LINGO2: variants seen among roughly 807,000 people sequenced by gnomAD.
LINGO2 encodes leucine rich repeat and Ig domain containing 2, also known as leucine-rich repeat and immunoglobulin-like domain-containing nogo receptor-interacting protein 2.
In LINGO2, 14 loss-of-function variants were observed where a neutral mutation model predicts 30.6. The ratio of observed to expected loss-of-function variants is 0.46; its 90% CI spans 0.30 to 0.72. The LOEUF (loss-of-function observed/expected upper bound fraction) is 0.72, where lower values mean the gene tolerates loss of function less well. Among genes scored for constraint, LINGO2 ranks in the 30% least tolerant of loss-of-function variants. LINGO2 has a pLI of 0.07. For synonymous variants in LINGO2, 317 were observed against 288.5 expected (o/e 1.10, Z -1.00); for missense variants, 729 against 751.7 (o/e 0.97, Z 0.35).
rs146345987 is a variant in LINGO2, at chr9:28,141,106, T to C, written c.-86-128701A>G. Among the ~76,000 whole-genome samples, 314 of 152,292 alleles carry C rather than the reference T, an allele frequency of 2.1e-3. 5 individuals are homozygous for C. The South Asian group carries it at 0.045, about 22-fold the overall frequency. On this transcript the variant is annotated intron_variant, in intron 4 of 5. Coordinates refer to ENST00000379992, the Ensembl canonical transcript of LINGO2. ...AATTGCCTCAGTTATTCAATATAGA[T>C]GAGAAAAGAAATTCTTAATAGCTTA... is the stretch of plus-strand genomic sequence containing the variant.
intron 1 of LINGO2, among the ~76,000 whole-genome samples, chr9:28,540,596 A>G (rs888429142): frequency 2.0e-5 from 3 of 152,094 alleles, no homozygotes; most frequent in African/African-American, 7.2e-5. Flanking sequence ...TTTCTTCCAA[A>G]TAATCTAAAG....
chr9:28,086,179 T>C (rs899276356), intron 4 of LINGO2, among the ~76,000 whole-genome samples: 1 of 152,076 alleles, frequency 6.6e-6, no homozygotes, highest in Non-Finnish European at 1.5e-5. Context: ...ATATTGTCTC[T>C]TGCCTGAAAA....
chr9:28,204,605 T>G (rs947115706), intron 4 of LINGO2, among the ~76,000 whole-genome samples: 1 of 152,154 alleles, frequency 6.6e-6, no homozygotes, highest in Admixed American at 6.6e-5. Flanking sequence ...CATTGATTGA[T>G]TGCCCCTCAG....
At position 28,266,628 on chromosome 9, in the gene LINGO2, T is replaced by C. The variant is rs943001583; in HGVS notation, c.-87+28580A>G. The stretch of plus-strand genomic sequence containing the variant: ...CTTTGGTTACCTGTGGATTATCTCA[T>C]TTTTTTCCTAATATCGAATGCCATC... On this transcript the variant is annotated intron_variant, in intron 4 of 5. Coordinates refer to ENST00000379992, the Ensembl canonical transcript of LINGO2. Among the ~76,000 whole-genome samples, 2 of 151,992 alleles carry C rather than the reference T, an allele frequency of 1.3e-5. 1 individual carries two copies. The highest frequency in any genetic ancestry group is 4.1e-4 in the South Asian group (2 of 4,830).
At chr9:28,557,854 G>A (rs1043411374) in intron 1 of LINGO2, among the ~76,000 whole-genome samples, 1 of 151,752 alleles carries the variant, frequency 6.6e-6, no homozygotes, top group Non-Finnish European at 1.5e-5. Context: ...TAGGGACATG[G>A]ATGAAGCTGG....
intron 2 of LINGO2, among the ~76,000 whole-genome samples, chr9:28,432,721 A>G (rs12378532): frequency 0.3 from 45,762 of 152,046 alleles, 7,861 homozygotes; most frequent in Non-Finnish European, 0.38. Context: ...GAATAGAAAA[A>G]TGTTATAAGA....
the LINGO2 span, among the ~76,000 whole-genome samples, chr9:29,075,787 T>C: frequency 5.9e-5 from 9 of 152,048 alleles, no homozygotes; most frequent in Non-Finnish European, 1.0e-4. Flanking sequence ...AAAAAGGCAA[T>C]AGAGTGTCAA....
chr9:28,083,193 C>G (rs1360894856), intron 4 of LINGO2, among the ~76,000 whole-genome samples: 1 of 152,188 alleles, frequency 6.6e-6, no homozygotes, highest in Non-Finnish European at 1.5e-5. Context: ...TTGGTGAGCA[C>G]AAGGACATCC....
intron 1 of LINGO2, among the ~76,000 whole-genome samples, chr9:28,622,573 A>G (rs1479675184): frequency 6.6e-6 from 1 of 151,958 alleles, no homozygotes; most frequent in Non-Finnish European, 1.5e-5. Context: ...CATATGTACC[A>G]CATTTTCTTT....
the LINGO2 span, among the ~76,000 whole-genome samples, chr9:29,043,057 G>A: frequency 2.0e-5 from 3 of 151,788 alleles, no homozygotes; most frequent in East Asian, 1.9e-4. Context: ...AGAGCACTAT[G>A]TAAATCTACA....
the LINGO2 span, among the ~76,000 whole-genome samples, chr9:29,164,766 G>C: frequency 7.1e-6 from 1 of 140,154 alleles, no homozygotes; most frequent in Non-Finnish European, 1.5e-5. Flanking sequence ...ATATATGCAC[G>C]TGTGTGTATA....
intron 5 of LINGO2, among the ~76,000 whole-genome samples, chr9:28,006,362 G>A (rs989832505): frequency 6.6e-6 from 1 of 152,006 alleles, no homozygotes; most frequent in Non-Finnish European, 1.5e-5. Context: ...GATCAAAATA[G>A]TGGGGCTATC....
chr9:28,621,463 G>C lies in LINGO2; in HGVS notation c.-365+48737C>G, dbSNP rs117490887. On this transcript the variant is annotated intron_variant, in intron 1 of 5. Transcript: ENST00000379992. ...TCACCGAGAAATAGTCCTGAAAGCA[G>C]AATACCCCAACTGGCACAAGAGAAC... Among the ~76,000 whole-genome samples the C allele has an allele frequency of 3.5e-3, 526 of 151,752 alleles. 1 individual carries two copies. The highest frequency in any genetic ancestry group is 6.3e-3 in the Non-Finnish European group (427 of 67,888).
intron 1 of LINGO2, among the ~76,000 whole-genome samples, chr9:28,550,872 T>C (rs1487886988): frequency 6.6e-6 from 1 of 151,892 alleles, no homozygotes; most frequent in African/African-American, 2.4e-5. Context: ...CAATGCTACA[T>C]ATTATTTTGG....
At chr9:28,634,485 C>CTTTT (rs755583837) in intron 1 of LINGO2, among the ~76,000 whole-genome samples, 3 of 124,672 alleles carry the variant, frequency 2.4e-5, no homozygotes, top group South Asian at 2.5e-4. Context: ...TTCTTTTTTT[C>CTTTT]TTTTTTTTTT....
chr9:28,799,607 T>C, the LINGO2 span, among the ~76,000 whole-genome samples: 1 of 152,078 alleles, frequency 6.6e-6, no homozygotes, highest in Non-Finnish European at 1.5e-5. Flanking sequence ...TGTGTGGGGA[T>C]TAGAATGCCA....
chr9:28,727,070 T>C, the LINGO2 span, among the ~76,000 whole-genome samples: 1 of 152,170 alleles, frequency 6.6e-6, no homozygotes, highest in East Asian at 1.9e-4. Context: ...CCCTGACTAA[T>C]GCATGCAAAT....
chr9:29,021,006 C>A, the LINGO2 span, among the ~76,000 whole-genome samples: 4 of 152,116 alleles, frequency 2.6e-5, no homozygotes, highest in African/African-American at 9.6e-5. Flanking sequence ...GGTGTGGAAT[C>A]AAGGAAGTAA....
At chr9:28,859,360 G>C in the LINGO2 span, among the ~76,000 whole-genome samples, 1 of 151,960 alleles carries the variant, frequency 6.6e-6, no homozygotes, top group African/African-American at 2.4e-5. Flanking sequence ...ATAAAAGGTT[G>C]ATATTCTACT....
Sources: allele counts gnomAD v4.1 joint callset (sites outside exome capture counted in the v4.1 genomes callset), GRCh38; gene constraint gnomAD v4.1.1; transcripts MANE v1.5; gene names NCBI Gene and HGNC (gene_info 2026-07-23, HGNC 2026-07-21).